Variants in TF observed in about 807,000 individuals in gnomAD.
TF encodes transferrin.
TF carries 55 observed loss-of-function variants against 82.4 expected under a neutral mutation model. That is an observed-to-expected ratio of 0.67 (90% CI 0.54 to 0.84). The LOEUF (loss-of-function observed/expected upper bound fraction) is 0.84. Ranked by LOEUF, TF falls within the 40% of genes least tolerant of loss-of-function variation. TF has a pLI of 0.00. For missense variants in TF, 737 were observed against 868.4 expected (o/e 0.85, Z 1.90); for synonymous variants, 332 against 332.6 (o/e 1.00, Z 0.02).
In TF at chr3:133,753,545, C is replaced by G. The variant is rs758019600; in HGVS notation, c.217-50C>G. On this transcript the variant is annotated intron_variant, in intron 2 of 16. Transcript: ENST00000402696. Reference sequence around the variant, plus strand: ...CTCTACTTGTGTGGGTTGAGGTGGGCCTTCCTTGGAAGTCAAGGCTTCATC... The same window carrying G: ...CTCTACTTGTGTGGGTTGAGGTGGGGCTTCCTTGGAAGTCAAGGCTTCATC... The G allele has an allele frequency of 2.0e-6, 3 of 1,536,656 alleles. No homozygotes were observed. The South Asian group carries it at 3.4e-5, about 17-fold the overall frequency.
Position 133,786,851 on chromosome 3 carries a change from A to G in TF, c.*8231A>G, listed in dbSNP as rs1162047914. The G allele has an allele frequency of 2.0e-5, 3 of 152,244 alleles. No individual in the cohort carries two copies. The highest frequency in any genetic ancestry group is 2.9e-5 in the Non-Finnish European group (2 of 68,044). The allele number at this position is 152,244 out of a possible 1,614,324, so 9.4% of individuals were successfully genotyped here. A position where few individuals can be genotyped will look rare whatever the true frequency, so the allele number is the denominator to read the frequency against. On this transcript the variant is annotated 3_prime_UTR_variant, in exon 17 of 17. Transcript: ENST00000402696. Reference sequence around the variant, plus strand: ...ACTTCTTACCTGAAACATCTTATCTATGTAGATGTTCAGAATTGCCTGATG... The same window carrying G: ...ACTTCTTACCTGAAACATCTTATCTGTGTAGATGTTCAGAATTGCCTGATG...
At chr3:133,715,391 G>A in the TF span, among the ~76,000 whole-genome samples, 2 of 152,142 alleles carry the variant, frequency 1.3e-5, no homozygotes, top group Non-Finnish European at 2.9e-5. Flanking sequence ...CTACTGGGGT[G>A]AACTGGCTGT....
the TF span, among the ~76,000 whole-genome samples, chr3:133,713,014 A>G: frequency 6.6e-6 from 1 of 152,230 alleles, no homozygotes; most frequent in South Asian, 2.1e-4. Flanking sequence ...GATTTAGGGC[A>G]CCTTAGGGCA....
the TF span, among the ~76,000 whole-genome samples, chr3:133,675,242 C>CAAAAA: frequency 1.4e-4 from 8 of 55,440 alleles, no homozygotes; most frequent in African/African-American, 2.1e-4. Context: ...GAGACTCTGT[C>CAAAAA]AAAAAAAAAA....
chr3:133,686,540 A>G, the TF span, among the ~76,000 whole-genome samples: 2 of 152,238 alleles, frequency 1.3e-5, no homozygotes, highest in South Asian at 2.1e-4. Flanking sequence ...TGGGCAGAGG[A>G]TATGAACAGA....
intron 1 of TF, 22 bp from the exon 2 acceptor site, chr3:133,748,390 A>G: frequency 6.2e-7 from 1 of 1,613,536 alleles, no homozygotes; most frequent in Non-Finnish European, 8.5e-7. Context: ...GGGCCCTTCC[A>G]CCTCTGGCCT....
rs748361547 is a variant in TF at position 133,778,669 on chromosome 3, A to T, written c.*49A>T. ...CAAGGTGAAGATGGGAACGCAGATGATCCATGAGTTTGCCCTGGTTTCACT... is the reference window on the plus strand; with the variant it reads ...CAAGGTGAAGATGGGAACGCAGATGTTCCATGAGTTTGCCCTGGTTTCACT... On this transcript the variant is annotated 3_prime_UTR_variant, in exon 17 of 17. Transcript: ENST00000402696. 6.2e-7 allele frequency: 1 copy of T among 1,606,984 alleles called. No homozygotes were observed. Among genetic ancestry groups the T allele is most frequent in the Non-Finnish European group, 8.5e-7 (1 of 1,175,346 alleles).
the TF span, among the ~76,000 whole-genome samples, chr3:133,662,712 G>A: frequency 6.6e-6 from 1 of 151,976 alleles, no homozygotes; most frequent in South Asian, 2.1e-4. Context: ...AAACTGATTC[G>A]TTGTTGCTTC....
chr3:133,771,475 C>T (rs1422157710), intron 14 of TF, among the ~76,000 whole-genome samples: 7 of 152,208 alleles, frequency 4.6e-5, no homozygotes, highest in Admixed American at 1.3e-4. Context: ...CAGTGGCTCA[C>T]GCCTGTAATC....
At chr3:133,690,632 G>C in the TF span, among the ~76,000 whole-genome samples, 1 of 152,182 alleles carries the variant, frequency 6.6e-6, no homozygotes, top group African/African-American at 2.4e-5. Flanking sequence ...GAAGAGAGAG[G>C]GAGAGATATG....
At chr3:133,757,987 G>C (rs1415094684) in intron 8 of TF, 41 bp downstream of exon 8, 9 of 1,603,842 alleles carry the variant, frequency 5.6e-6, no homozygotes, top group Non-Finnish European at 7.7e-6. Flanking sequence ...AAGCACTTGG[G>C]AAACCTGGTG....
rs753044390 is a variant in TF, at chr3:133,759,344, C to G, written c.1203+15C>G. 6.2e-7 allele frequency: 1 copy of G among 1,612,872 alleles called. No individual in the cohort carries two copies. The highest frequency in any genetic ancestry group is 1.7e-5 in the Admixed American group (1 of 60,002). Reference sequence around the variant, plus strand: ...CCAAGATCATGGTATGTCACTCCAGCCTTCCTAGGGCAGCGTCCCTGTCAT... The same window carrying G: ...CCAAGATCATGGTATGTCACTCCAGGCTTCCTAGGGCAGCGTCCCTGTCAT... On this transcript the variant is annotated intron_variant, in intron 9 of 16. Coordinates refer to ENST00000402696, the MANE Select transcript of TF (RefSeq NM_001063.4).
At chr3:133,730,396 T>G in the TF span, among the ~76,000 whole-genome samples, 1 of 152,236 alleles carries the variant, frequency 6.6e-6, no homozygotes, top group Non-Finnish European at 1.5e-5. Flanking sequence ...CCCTGGAGTT[T>G]CACCTGCTAC....
At chr3:133,699,411 C>T in the TF span, 1 of 1,106,754 alleles carries the variant, frequency 9.0e-7, no homozygotes, top group Middle Eastern at 3.4e-4. Context: ...CATGGCTCTC[C>T]TGCGTTAGGC....
intron 12 of TF, 141 bp downstream of exon 12, chr3:133,766,574 G>C: frequency 2.5e-6 from 3 of 1,195,442 alleles, no homozygotes; most frequent in Non-Finnish European, 3.6e-6. Context: ...AGTAGAATTT[G>C]CTGTCCTCAA....
intron 1 of TF, among the ~76,000 whole-genome samples, chr3:133,747,891 T>C (rs1438057822): frequency 1.3e-5 from 2 of 151,880 alleles, no homozygotes; most frequent in African/African-American, 4.8e-5. Flanking sequence ...ACCCAGATTC[T>C]AGGCCTGGCT....
At chr3:133,699,321 G>GA in the TF span, 3 of 447,924 alleles carry the variant, frequency 6.7e-6, no homozygotes, top group African/African-American at 2.0e-5. Context: ...AATGTTTTTG[G>GA]AAAAAAATTC....
At chr3:133,689,882 G>C in the TF span, among the ~76,000 whole-genome samples, 2 of 152,004 alleles carry the variant, frequency 1.3e-5, no homozygotes, top group Non-Finnish European at 2.9e-5. Context: ...ATTTTTATTT[G>C]ACAAATAATA....
chr3:133,742,595 G>A (rs1342475422), upstream of TF, among the ~76,000 whole-genome samples: 2 of 152,154 alleles, frequency 1.3e-5, no homozygotes, highest in East Asian at 3.9e-4. Flanking sequence ...CGGGCTTGCA[G>A]GGTGACTGAT....
Sources: gnomAD v4.1 joint callset for allele counts (sites outside exome capture counted in the v4.1 genomes callset) on GRCh38, gnomAD v4.1.1 for gene constraint, MANE v1.5 for transcripts, NCBI Gene and HGNC (gene_info 2026-07-23, HGNC 2026-07-21) for gene names.